STPG2: variants seen among roughly 807,000 people sequenced by gnomAD.
STPG2 encodes the protein sperm tail PG-rich repeat containing 2.
In STPG2, 56 loss-of-function variants were observed where a neutral mutation model predicts 54.2. That is an observed-to-expected ratio of 1.03 (90% CI 0.83 to 1.29). The LOEUF is 1.29. STPG2 is among the 50% of genes most tolerant of loss of function. The pLI, the probability that STPG2 is intolerant of heterozygous loss-of-function variation, is 0.00. For synonymous variants in STPG2, 200 were observed against 181.8 expected (o/e 1.10, Z -0.81); for missense variants, 596 against 544.9 (o/e 1.09, Z -0.93).
chr4:98,125,228 T>G (rs1404207927), intron 3 of STPG2, among the ~76,000 whole-genome samples: 2 of 152,228 alleles, frequency 1.3e-5, no homozygotes, highest in Non-Finnish European at 2.9e-5. Flanking sequence ...GAAGAGGTAT[T>G]GCAATCATTT....
chr4:97,681,315 A>C (rs78396406), intron 10 of STPG2, among the ~76,000 whole-genome samples: 5,398 of 151,996 alleles, frequency 0.036, 226 homozygotes, highest in African/African-American at 0.095. Context: ...AGAACAAGAA[A>C]AAGAAATTTA....
Position 97,566,595 on chromosome 4 carries a change from C to T in STPG2, c.1321-7478G>A, listed in dbSNP as rs191877661. 5.0e-3 allele frequency among the ~76,000 whole-genome samples: 768 copies of T among 152,136 alleles called. 3 individuals carry two copies. Among genetic ancestry groups the T allele is most frequent in the South Asian group, 0.021 (99 of 4,822 alleles). ...GCCATCTTGGCTTGTATGTTTATTG[C>T]GGCACTATTCACAACAGCAAAGACT... is the stretch of plus-strand genomic sequence containing the variant. On this transcript the variant is annotated intron_variant, in intron 10 of 10. Transcript: ENST00000295268.
At chr4:97,598,269 T>C (rs767597873) in intron 10 of STPG2, among the ~76,000 whole-genome samples, 8 of 152,100 alleles carry the variant, frequency 5.3e-5, no homozygotes, top group Non-Finnish European at 1.0e-4. Flanking sequence ...AGTCCATGCT[T>C]ACTGATAGGA....
intron 7 of STPG2, among the ~76,000 whole-genome samples, chr4:97,948,231 T>A (rs1164744245): frequency 1.3e-5 from 2 of 152,090 alleles, no homozygotes; most frequent in Non-Finnish European, 2.9e-5. Context: ...CTATCTCAAA[T>A]GATCTTTTGT....
intron 9 of STPG2, among the ~76,000 whole-genome samples, chr4:97,763,567 G>A (rs1725951881): frequency 2.0e-5 from 3 of 152,050 alleles, no homozygotes; most frequent in Admixed American, 6.6e-5. Flanking sequence ...TTCCAGTTTG[G>A]CCAGGATAGT....
intron 4 of STPG2, among the ~76,000 whole-genome samples, chr4:97,445,680 T>C (rs755867654): frequency 1.1e-4 from 17 of 152,310 alleles, no homozygotes; most frequent in Non-Finnish European, 2.4e-4. Flanking sequence ...GCTACCATCA[T>C]GGACAGCAAT....
At chr4:98,025,891 A>T (rs1347753923) in intron 5 of STPG2, 14 of 1,589,550 alleles carry the variant, frequency 8.8e-6, no homozygotes, top group Non-Finnish European at 9.4e-6. Flanking sequence ...CTGTGGATGG[A>T]GGCTTGTCTA....
chr4:97,958,846 T>C (rs1259569605), intron 7 of STPG2, among the ~76,000 whole-genome samples: 1 of 152,112 alleles, frequency 6.6e-6, no homozygotes, highest in African/African-American at 2.4e-5. Context: ...AAACAATGGA[T>C]TTAAACTATG....
rs904791437 is a variant in STPG2, at chr4:98,047,144, C to T, written c.612+58809G>A. On this transcript the variant is annotated intron_variant, in intron 5 of 10. Transcript: ENST00000295268. The stretch of plus-strand genomic sequence containing the variant: ...ACACATCCATTTAAACCCACCTCTT[C>T]GTTCTATGTGGTCTCAGGGAACTCC... Among the ~76,000 whole-genome samples, 9 of 152,094 alleles carry T rather than the reference C, an allele frequency of 5.9e-5. 1 individual carries two copies. Among genetic ancestry groups the T allele is most frequent in the South Asian group, 4.1e-4 (2 of 4,824 alleles).
At chr4:97,456,725 C>A (rs1729530620) in intron 4 of STPG2, among the ~76,000 whole-genome samples, 1 of 151,478 alleles carries the variant, frequency 6.6e-6, no homozygotes, top group Admixed American at 6.6e-5. Flanking sequence ...GAAACCCCAT[C>A]TCTACTAAAA....
At chr4:97,968,741 C>T (rs1393012964) in intron 7 of STPG2, among the ~76,000 whole-genome samples, 1 of 152,176 alleles carries the variant, frequency 6.6e-6, no homozygotes, top group Non-Finnish European at 1.5e-5. Context: ...CAACAGCCTT[C>T]ATGTGTAGGG....
At chr4:97,658,486 A>G (rs955185047) in intron 10 of STPG2, among the ~76,000 whole-genome samples, 1 of 152,198 alleles carries the variant, frequency 6.6e-6, no homozygotes, top group African/African-American at 2.4e-5. Flanking sequence ...AAGGACCAAT[A>G]CCTAGAAATA....
chr4:97,561,422 C>G (rs1166850117), intron 10 of STPG2, among the ~76,000 whole-genome samples: 14 of 152,114 alleles, frequency 9.2e-5, no homozygotes, highest in Non-Finnish European at 1.9e-4. Context: ...ATGGTAGTTT[C>G]TTTTGCTGTG....
chr4:97,485,940 T>G (rs1028542180), intron 4 of STPG2, among the ~76,000 whole-genome samples: 1 of 151,526 alleles, frequency 6.6e-6, no homozygotes, highest in Non-Finnish European at 1.5e-5. Context: ...TATAAAGTAG[T>G]GAAAAGACAC....
chr4:98,137,854 T>A (rs1740176436), intron 1 of STPG2, among the ~76,000 whole-genome samples: 1 of 151,924 alleles, frequency 6.6e-6, no homozygotes, highest in African/African-American at 2.4e-5. Flanking sequence ...ACTCATAAAA[T>A]CTTCATTGAA....
intron 8 of STPG2, among the ~76,000 whole-genome samples, chr4:97,926,089 G>C (rs1306562719): frequency 1.3e-5 from 2 of 151,998 alleles, no homozygotes; most frequent in Admixed American, 1.3e-4. Flanking sequence ...CTGATCATAG[G>C]CCCTCTCTAC....
chr4:97,737,554 C>G (rs531833108), intron 9 of STPG2, among the ~76,000 whole-genome samples: 2 of 151,918 alleles, frequency 1.3e-5, no homozygotes, highest in South Asian at 4.2e-4. Context: ...TCGAGAACTA[C>G]GTGAAGAATG....
intron 4 of STPG2, among the ~76,000 whole-genome samples, chr4:97,518,216 T>C (rs1731114023): frequency 6.6e-6 from 1 of 152,098 alleles, no homozygotes; most frequent in Non-Finnish European, 1.5e-5. Context: ...ACATACAAAG[T>C]TAAGCAAGGT....
chr4:97,807,063 ATTAG>A lies in STPG2; in HGVS notation c.1204+33706_1204+33709del, dbSNP rs535586903. ...GTGTTATGTTACATATTCCATTATT[ATTAG>A]TTAATTTGTTTCCAATGTTTTTCTA... is the stretch of plus-strand genomic sequence containing the variant. On this transcript the variant is annotated intron_variant, in intron 9 of 10. Coordinates refer to ENST00000295268, the MANE Select transcript of STPG2 (RefSeq NM_174952.3). 9.9e-5 allele frequency among the ~76,000 whole-genome samples: 15 copies of A among 151,944 alleles called. No individual in the cohort carries two copies. The South Asian group carries it at 2.9e-3, about 29-fold the overall frequency.
Sources: allele counts gnomAD v4.1 joint callset (sites outside exome capture counted in the v4.1 genomes callset), GRCh38; gene constraint gnomAD v4.1.1; transcripts MANE v1.5; gene names NCBI Gene and HGNC (gene_info 2026-07-23, HGNC 2026-07-21).